CTNNBIP1: variants seen among roughly 807,000 people sequenced by gnomAD.
The protein encoded by CTNNBIP1 is beta-catenin-interacting protein 1.
A neutral mutation model predicts 11.8 loss-of-function variants in CTNNBIP1; 7 were observed. The observed-to-expected ratio is 0.60, with a 90% CI of 0.34 to 1.12. CTNNBIP1 has a LOEUF of 1.12. CTNNBIP1 is among the 50% of genes most tolerant of loss of function. CTNNBIP1 has a pLI of 0.03. For missense variants in CTNNBIP1, 101 were observed against 113.4 expected (o/e 0.89, Z 0.50); for synonymous variants, 58 against 43.9 (o/e 1.32, Z -1.26).
chr1:9,852,048 G>A (rs1346457201), intron 5 of CTNNBIP1, among the ~76,000 whole-genome samples: 1 of 152,220 alleles, frequency 6.6e-6, no homozygotes, highest in Non-Finnish European at 1.5e-5. Flanking sequence ...TCTCTGGGAG[G>A]GGGTGGATCG....
At chr1:9,886,750 G>T (rs1013214502) in intron 1 of CTNNBIP1, among the ~76,000 whole-genome samples, 1 of 152,142 alleles carries the variant, frequency 6.6e-6, no homozygotes, top group Non-Finnish European at 1.5e-5. Flanking sequence ...GGGGGACGGG[G>T]GGCAGAGGCC....
At chr1:9,858,753 CAGTAT>C (rs1638563367) in intron 5 of CTNNBIP1, among the ~76,000 whole-genome samples, 2 of 152,204 alleles carry the variant, frequency 1.3e-5, no homozygotes, top group Admixed American at 1.3e-4. Context: ...GACATAGTCA[CAGTAT>C]CTGGGCAAGT....
intron 2 of CTNNBIP1, among the ~76,000 whole-genome samples, chr1:9,882,962 C>A (rs1639114255): frequency 6.6e-6 from 1 of 152,200 alleles, no homozygotes; most frequent in South Asian, 2.1e-4. Flanking sequence ...AGGGGCACTT[C>A]TGGGGGCTAC....
chr1:9,886,942 C>T (rs1275362192), intron 1 of CTNNBIP1, among the ~76,000 whole-genome samples: 7 of 152,198 alleles, frequency 4.6e-5, no homozygotes, highest in Admixed American at 3.9e-4. Context: ...ACGTTGCAGC[C>T]TCCTCCATCC....
chr1:9,903,057 G>A (rs1570602462), intron 1 of CTNNBIP1, among the ~76,000 whole-genome samples: 1 of 152,200 alleles, frequency 6.6e-6, no homozygotes, highest in Admixed American at 6.5e-5. Context: ...GAGCCACCAC[G>A]CCCGGCTGGG....
At chr1:9,903,865 A>T (rs1326118540) in intron 1 of CTNNBIP1, among the ~76,000 whole-genome samples, 1 of 152,144 alleles carries the variant, frequency 6.6e-6, no homozygotes, top group Non-Finnish European at 1.5e-5. Flanking sequence ...TTCTGCTGAG[A>T]ATCAGTATAT....
chr1:9,860,792 G>A (rs1638610813), intron 5 of CTNNBIP1, among the ~76,000 whole-genome samples: 1 of 152,018 alleles, frequency 6.6e-6, no homozygotes, highest in African/African-American at 2.4e-5. Flanking sequence ...AGACATTCTG[G>A]GGTCAGGTAC....
At chr1:9,879,098 G>A (rs536137285) in intron 2 of CTNNBIP1, among the ~76,000 whole-genome samples, 1 of 152,232 alleles carries the variant, frequency 6.6e-6, no homozygotes, top group South Asian at 2.1e-4. Context: ...TTGGGAGGCT[G>A]AGGCAGGAGA....
chr1:9,863,719 A>G (rs1221094542), intron 5 of CTNNBIP1, among the ~76,000 whole-genome samples: 2 of 152,232 alleles, frequency 1.3e-5, no homozygotes, highest in South Asian at 2.1e-4. Flanking sequence ...TCCAGGGCAC[A>G]TGCTGACTTG....
At chr1:9,882,077 C>A (rs1272369360) in intron 2 of CTNNBIP1, among the ~76,000 whole-genome samples, 9 of 152,166 alleles carry the variant, frequency 5.9e-5, no homozygotes, top group Non-Finnish European at 1.3e-4. Context: ...CTTAAGCCAG[C>A]ATAGGAAGTG....
chr1:9,881,157 T>A (rs1374339910), intron 2 of CTNNBIP1, among the ~76,000 whole-genome samples: 1 of 151,930 alleles, frequency 6.6e-6, no homozygotes, highest in Non-Finnish European at 1.5e-5. Flanking sequence ...CACCTCAGCC[T>A]CCTGCATGGC....
chr1:9,888,202 G>A (rs1639224725), intron 1 of CTNNBIP1, among the ~76,000 whole-genome samples: 2 of 152,018 alleles, frequency 1.3e-5, no homozygotes, highest in African/African-American at 4.8e-5. Flanking sequence ...AGGCTGAGGT[G>A]GGAGTATCAC....
At chr1:9,878,445 T>C (rs1248270308) in intron 2 of CTNNBIP1, among the ~76,000 whole-genome samples, 1 of 152,200 alleles carries the variant, frequency 6.6e-6, no homozygotes, top group Non-Finnish European at 1.5e-5. Flanking sequence ...CCGCAGCCTC[T>C]GTGCTCAGTG....
At chr1:9,873,774 G>A (rs572532859) in intron 3 of CTNNBIP1, among the ~76,000 whole-genome samples, 1 of 152,172 alleles carries the variant, frequency 6.6e-6, no homozygotes, top group East Asian at 1.9e-4. Flanking sequence ...TCCCTCTGTC[G>A]CCCAGGCTGG....
At chr1:9,864,227 A>G (rs1638693646) in intron 5 of CTNNBIP1, among the ~76,000 whole-genome samples, 1 of 152,242 alleles carries the variant, frequency 6.6e-6, no homozygotes, top group Admixed American at 6.5e-5. Context: ...AGACCAGGGC[A>G]TGGCCCCAGG....
At chr1:9,868,014 G>A (rs560431063) in intron 5 of CTNNBIP1, among the ~76,000 whole-genome samples, 6 of 152,284 alleles carry the variant, frequency 3.9e-5, no homozygotes, top group Admixed American at 6.5e-5. Context: ...TTGTGGTGTC[G>A]TTAGGCTCGC....
chr1:9,869,083 T>A (rs1215494423), intron 5 of CTNNBIP1, among the ~76,000 whole-genome samples: 1 of 151,214 alleles, frequency 6.6e-6, no homozygotes. Flanking sequence ...CACTGCAGCA[T>A]CAACCTCCTG....
chr1:9,900,737 C>T (rs1639505901), intron 1 of CTNNBIP1, among the ~76,000 whole-genome samples: 1 of 152,192 alleles, frequency 6.6e-6, no homozygotes, highest in Non-Finnish European at 1.5e-5. Context: ...AACTGGGGGC[C>T]AGCTTGCTTG....
intron 5 of CTNNBIP1, among the ~76,000 whole-genome samples, chr1:9,865,098 A>G (rs966191703): frequency 5.9e-5 from 9 of 152,054 alleles, no homozygotes; most frequent in African/African-American, 2.2e-4. Context: ...GCATGGTGAC[A>G]TGCACCTGTA....
Sources: gnomAD v4.1 joint callset for allele counts (sites outside exome capture counted in the v4.1 genomes callset) on GRCh38, gnomAD v4.1.1 for gene constraint, MANE v1.5 for transcripts, NCBI Gene and HGNC (gene_info 2026-07-23, HGNC 2026-07-21) for gene names.